Variants in MCTP1 observed in about 807,000 individuals in gnomAD.
MCTP1 encodes the protein multiple C2 and transmembrane domain containing 1.
A neutral mutation model predicts 120.6 loss-of-function variants in MCTP1; 69 were observed. The observed-to-expected ratio is 0.57, with a 90% confidence interval of 0.47 to 0.70. The LOEUF is 0.70. MCTP1 is among the 30% of genes least tolerant of loss of function. The pLI, the probability that MCTP1 is intolerant of heterozygous loss-of-function variation, is 0.00. For synonymous variants in MCTP1, 529 were observed against 493.1 expected (o/e 1.07, Z -0.96); for missense variants, 1,203 against 1,248.8 (o/e 0.96, Z 0.55).
At chr5:95,006,668 T>G (rs1834825282) in intron 2 of MCTP1, among the ~76,000 whole-genome samples, 1 of 152,152 alleles carries the variant, frequency 6.6e-6, no homozygotes, top group African/African-American at 2.4e-5. Flanking sequence ...AAAGGCTGCA[T>G]AAATCAAAGG....
At chr5:95,248,695 A>G (rs1757069553) in intron 1 of MCTP1, among the ~76,000 whole-genome samples, 1 of 152,240 alleles carries the variant, frequency 6.6e-6, no homozygotes. Flanking sequence ...GAACCAAAAA[A>G]GAGCCCACAT....
intron 1 of MCTP1, among the ~76,000 whole-genome samples, chr5:95,104,156 G>T (rs1426093): frequency 0.84 from 128,012 of 152,098 alleles, 54,251 homozygotes; most frequent in East Asian, 0.95. Context: ...TCATAAGCAC[G>T]GCATATTTAG....
At chr5:95,052,012 C>A (rs566302833) in intron 1 of MCTP1, among the ~76,000 whole-genome samples, 1 of 152,068 alleles carries the variant, frequency 6.6e-6, no homozygotes, top group Admixed American at 6.6e-5. Context: ...GATAAACCTG[C>A]CCATGTACAC....
At chr5:95,062,751 G>A (rs1749570167) in intron 1 of MCTP1, among the ~76,000 whole-genome samples, 1 of 152,150 alleles carries the variant, frequency 6.6e-6, no homozygotes, top group Non-Finnish European at 1.5e-5. Context: ...CGATTATCCA[G>A]ACAATGTTTT....
intron 2 of MCTP1, among the ~76,000 whole-genome samples, chr5:95,001,424 C>T (rs755751404): frequency 6.6e-6 from 1 of 152,140 alleles, no homozygotes; most frequent in Admixed American, 6.6e-5. Flanking sequence ...CGCCTGAAGA[C>T]TTGGAGGGCT....
chr5:95,011,668 T>C (rs1371535388), intron 2 of MCTP1, among the ~76,000 whole-genome samples: 1 of 152,174 alleles, frequency 6.6e-6, no homozygotes, highest in Non-Finnish European at 1.5e-5. Context: ...CCTTCTGCCA[T>C]GGTTGTAAGT....
chr5:94,878,971 G>T (rs1330313898), intron 12 of MCTP1, among the ~76,000 whole-genome samples: 2 of 152,036 alleles, frequency 1.3e-5, no homozygotes, highest in Non-Finnish European at 2.9e-5. Flanking sequence ...ACTGAAGGGG[G>T]TAAAGGAGTA....
At chr5:94,926,498 T>G (rs1813162907) in intron 6 of MCTP1, among the ~76,000 whole-genome samples, 1 of 152,214 alleles carries the variant, frequency 6.6e-6, no homozygotes. Context: ...TAAAGATGCC[T>G]CATGATATTG....
chr5:94,759,639 G>A (rs951434451), intron 19 of MCTP1, among the ~76,000 whole-genome samples: 1 of 152,144 alleles, frequency 6.6e-6, no homozygotes, highest in Non-Finnish European at 1.5e-5. Context: ...CTTCAAATTA[G>A]TGATGGGCTT....
At chr5:95,002,051 T>A (rs1166509707) in intron 2 of MCTP1, among the ~76,000 whole-genome samples, 1 of 152,188 alleles carries the variant, frequency 6.6e-6, no homozygotes, top group Non-Finnish European at 1.5e-5. Context: ...GGGGCCAAGG[T>A]ACAGCTTGGG....
At chr5:95,021,905 G>C (rs1838262934) in intron 1 of MCTP1, among the ~76,000 whole-genome samples, 1 of 151,936 alleles carries the variant, frequency 6.6e-6, no homozygotes, top group Admixed American at 6.6e-5. Flanking sequence ...TGAAGCTTAG[G>C]CTTTTTCTTC....
intron 19 of MCTP1, among the ~76,000 whole-genome samples, chr5:94,751,380 T>G (rs1193766356): frequency 1.4e-5 from 2 of 144,350 alleles, no homozygotes; most frequent in South Asian, 2.3e-4. Context: ...TATGAGATAG[T>G]GTATGAGAGA....
intron 5 of MCTP1, among the ~76,000 whole-genome samples, chr5:94,937,796 A>G (rs1358202580): frequency 6.6e-6 from 1 of 152,060 alleles, no homozygotes; most frequent in Non-Finnish European, 1.5e-5. Flanking sequence ...CCTTTAATGT[A>G]AAAATTCAGC....
chr5:94,898,844 A>G (rs1804762526), intron 10 of MCTP1, among the ~76,000 whole-genome samples: 1 of 152,232 alleles, frequency 6.6e-6, no homozygotes, highest in South Asian at 2.1e-4. Flanking sequence ...CTCTTTCAAG[A>G]TAACTTATCC....
chr5:95,212,135 A>C (rs1335517625), intron 1 of MCTP1, among the ~76,000 whole-genome samples: 2 of 152,152 alleles, frequency 1.3e-5, no homozygotes, highest in African/African-American at 4.8e-5. Flanking sequence ...CTAATAAAGA[A>C]TAAAAGAGAG....
At chr5:94,958,180 A>T (rs964251538) in intron 2 of MCTP1, among the ~76,000 whole-genome samples, 6 of 152,244 alleles carry the variant, frequency 3.9e-5, no homozygotes, top group African/African-American at 7.2e-5. Flanking sequence ...TGAGTAAATA[A>T]CAAAATTAGG....
intron 1 of MCTP1, among the ~76,000 whole-genome samples, chr5:95,202,445 T>C (rs1049487169): frequency 2.0e-5 from 3 of 152,208 alleles, no homozygotes; most frequent in African/African-American, 4.8e-5. Flanking sequence ...CCAGCCTCCA[T>C]AATCATGTGA....
intron 2 of MCTP1, among the ~76,000 whole-genome samples, chr5:95,006,351 G>T (rs552973349): frequency 4.0e-5 from 6 of 151,090 alleles, no homozygotes; most frequent in Non-Finnish European, 8.8e-5. Context: ...ATGTGTATGG[G>T]TGTATTTGTA....
chr5:95,035,823 T>C (rs1268206089), intron 1 of MCTP1, among the ~76,000 whole-genome samples: 1 of 152,150 alleles, frequency 6.6e-6, no homozygotes, highest in African/African-American at 2.4e-5. Flanking sequence ...TCCTGCTTTT[T>C]TCAAATCATA....
Sources: allele counts gnomAD v4.1 joint callset (sites outside exome capture counted in the v4.1 genomes callset), GRCh38; gene constraint gnomAD v4.1.1; transcripts MANE v1.5; gene names NCBI Gene and HGNC (gene_info 2026-07-23, HGNC 2026-07-21).